Variants in TSHR observed in about 807,000 individuals in gnomAD.
TSHR encodes thyrotropin receptor.
In TSHR, 51 loss-of-function variants were observed where a neutral mutation model predicts 64.1. The ratio of observed to expected loss-of-function variants is 0.80; its 90% CI spans 0.64 to 1.01. The LOEUF is 1.01. TSHR is among the 50% of genes least tolerant of loss of function. The pLI is 0.00. For missense variants in TSHR, 877 were observed against 942.8 expected (o/e 0.93, Z 0.91); for synonymous variants, 361 against 361.9 (o/e 1.00, Z 0.03).
At chr14:80,982,180 A>G in intron 1 of TSHR, 1 of 587,418 alleles carries the variant, frequency 1.7e-6, no homozygotes, top group Non-Finnish European at 3.1e-6. Flanking sequence ...TCTAAGAACA[A>G]GGTCGGTGCT....
intron 3 of TSHR, among the ~76,000 whole-genome samples, chr14:81,083,754 C>A (rs952358234): frequency 2.6e-5 from 4 of 152,284 alleles, no homozygotes; most frequent in African/African-American, 9.6e-5. Context: ...TGAAGAAATA[C>A]CTGAGACTGG....
At chr14:81,087,701 A>T in intron 3 of TSHR, 1 of 531,030 alleles carries the variant, frequency 1.9e-6, no homozygotes. Context: ...AGAACAATGT[A>T]GCCCATAAAT....
intron 1 of TSHR, chr14:80,982,610 A>AT (rs1888231286): frequency 9.2e-7 from 1 of 1,087,058 alleles, no homozygotes; most frequent in Admixed American, 2.8e-5. Context: ...ATTAATGGAA[A>AT]AAAAAAATAG....
chr14:80,987,318 C>T (rs1156835690), intron 1 of TSHR, among the ~76,000 whole-genome samples: 1 of 152,218 alleles, frequency 6.6e-6, no homozygotes, highest in Non-Finnish European at 1.5e-5. Flanking sequence ...TGCTAAAGCA[C>T]TCTGGCTCTT....
rs538713783 is a variant in TSHR at position 81,016,229 on chromosome 14, G to T, written c.171-45919G>T. 2.7e-4 allele frequency among the ~76,000 whole-genome samples: 41 copies of T among 152,178 alleles called. No homozygotes were observed. In the South Asian group the frequency reaches 2.7e-3, roughly 10 times the overall value. On this transcript the variant is annotated intron_variant, in intron 1 of 9. Coordinates refer to ENST00000298171, the MANE Select transcript of TSHR (RefSeq NM_000369.5). ...CTTTCCACAGTGGCTGTACCAATTTGCAATCCTACCAACAGTCCACAAGTG... is the reference window on the plus strand; with the variant it reads ...CTTTCCACAGTGGCTGTACCAATTTTCAATCCTACCAACAGTCCACAAGTG...
At chr14:81,118,164 A>T (rs1482224401) in intron 8 of TSHR, among the ~76,000 whole-genome samples, 1 of 83,744 alleles carries the variant, frequency 1.2e-5, no homozygotes, top group Non-Finnish European at 2.3e-5. Context: ...TAGTGTTGGA[A>T]GTTCTGGCCA....
At chr14:81,109,180 C>A (rs550467261) in intron 8 of TSHR, among the ~76,000 whole-genome samples, 1 of 152,082 alleles carries the variant, frequency 6.6e-6, no homozygotes, top group Admixed American at 6.5e-5. Context: ...GAGGCCGAGG[C>A]GGGCAGATCA....
chr14:81,028,282 G>C (rs138372483), intron 1 of TSHR, among the ~76,000 whole-genome samples: 1 of 152,160 alleles, frequency 6.6e-6, no homozygotes, highest in African/African-American at 2.4e-5. Flanking sequence ...ACCACTCCTG[G>C]TAAGAAAAAT....
At position 81,144,086 on chromosome 14, in the gene TSHR, C is replaced by A. The variant is rs141222082; in HGVS notation, c.2028C>A (p.Phe676Leu). 3 of 1,614,190 alleles carry A rather than the reference C, an allele frequency of 1.9e-6. No homozygotes were observed. Among genetic ancestry groups the A allele is most frequent in the Non-Finnish European group, 2.5e-6 (3 of 1,180,042 alleles). ...FYPLNSCANP[F>L]LYAIFTKAFQ... ...CACTTAACTCCTGTGCCAATCCATTCCTCTATGCTATTTTCACCAAGGCCT... is the reference window on the plus strand; with the variant it reads ...CACTTAACTCCTGTGCCAATCCATTACTCTATGCTATTTTCACCAAGGCCT... Residue 676 changes from phenylalanine to leucine, a missense_variant, in exon 10 of 10, where the codon TTC becomes TTA. Phe to Leu is a conservative substitution (Grantham distance 22, BLOSUM62 0). Coordinates refer to ENST00000298171, the MANE Select transcript of TSHR (RefSeq NM_000369.5).
At chr14:81,113,569 C>T (rs1438435418) in intron 8 of TSHR, among the ~76,000 whole-genome samples, 1 of 149,916 alleles carries the variant, frequency 6.7e-6, no homozygotes, top group Non-Finnish European at 1.5e-5. Context: ...ATGTGATTTC[C>T]CTGATCTTTT....
intron 1 of TSHR, among the ~76,000 whole-genome samples, chr14:80,997,428 C>A (rs1889081507): frequency 6.6e-6 from 1 of 152,086 alleles, no homozygotes; most frequent in Non-Finnish European, 1.5e-5. Context: ...CTAAAGCTTA[C>A]AAAATGTAAA....
intron 1 of TSHR, among the ~76,000 whole-genome samples, chr14:81,039,546 A>G (rs528469028): frequency 8.5e-5 from 13 of 152,048 alleles, no homozygotes; most frequent in Admixed American, 7.2e-4. Context: ...GTTTTCATAT[A>G]ACATAATTTT....
At chr14:80,991,698 T>C (rs989766591) in intron 1 of TSHR, 3 of 396,558 alleles carry the variant, frequency 7.6e-6, no homozygotes, top group South Asian at 1.3e-4. Context: ...CAAGTGATAA[T>C]AGAAGGGCCT....
At chr14:81,135,703 C>T (rs1312439553) in intron 8 of TSHR, among the ~76,000 whole-genome samples, 1 of 152,060 alleles carries the variant, frequency 6.6e-6, no homozygotes, top group Non-Finnish European at 1.5e-5. Flanking sequence ...AGATGGAAGA[C>T]AAGAAATAAA....
rs752840413 is a variant in TSHR at position 81,062,224 on chromosome 14, GT to G, written c.242+12del. ...TCTGCCCAATATTTCCAGAATGTAA[GT>G]TTTTTTAATATAAAGAAAAGTTTGC... On this transcript the variant is annotated splice_donor_region_variant and intron_variant, in intron 2 of 9. Transcript: ENST00000298171. The G allele has an allele frequency of 4.4e-6, 7 of 1,606,472 alleles. No individual in the cohort carries two copies. Among genetic ancestry groups the G allele is most frequent in the East Asian group, 2.2e-5 (1 of 44,666 alleles).
rs751842562 is a variant in TSHR, at chr14:81,139,688, T to C, written c.702T>C (p.Ser234=). The C allele has an allele frequency of 6.2e-7, 1 of 1,614,098 alleles. No homozygotes were observed. Among genetic ancestry groups the C allele is most frequent in the South Asian group, 1.1e-5 (1 of 91,076 alleles). Reference sequence around the variant, plus strand: ...GTTCTCTGCCTCCCAGGGACGTGTCTCAAACCAGTGTCACTGCCCTTCCAT... The same window carrying C: ...GTTCTCTGCCTCCCAGGGACGTGTCCCAAACCAGTGTCACTGCCCTTCCAT... ...VYSGPSLLDV[S]QTSVTALPSK... The change falls in exon 9 of 10, where the codon TCT becomes TCC. Residue 234 remains serine (S), a synonymous_variant. Coordinates refer to ENST00000298171, the MANE Select transcript of TSHR (RefSeq NM_000369.5).
At chr14:81,138,975 T>C (rs535314521) in intron 8 of TSHR, among the ~76,000 whole-genome samples, 1 of 152,324 alleles carries the variant, frequency 6.6e-6, no homozygotes, top group South Asian at 2.1e-4. Flanking sequence ...TCTATTTTAG[T>C]AACTAACACT....
intron 1 of TSHR, chr14:80,982,729 G>A (rs1387211558): frequency 1.2e-6 from 1 of 808,292 alleles, no homozygotes; most frequent in Non-Finnish European, 1.9e-6. Context: ...TTCATATATT[G>A]TTTTGGCCTC....
intron 6 of TSHR, among the ~76,000 whole-genome samples, chr14:81,096,192 G>A (rs535156475): frequency 9.9e-5 from 15 of 152,142 alleles, no homozygotes; most frequent in Non-Finnish European, 2.2e-4. Flanking sequence ...ATACAAAGGT[G>A]AAATAACATT....
Sources: gnomAD v4.1 joint callset for allele counts (sites outside exome capture counted in the v4.1 genomes callset) on GRCh38, gnomAD v4.1.1 for gene constraint, MANE v1.5 for transcripts, NCBI Gene and HGNC (gene_info 2026-07-23, HGNC 2026-07-21) for gene names.